C12orf50: variants seen among roughly 807,000 people sequenced by gnomAD.
C12orf50 encodes the protein uncharacterized protein C12orf50.
In C12orf50, 35 loss-of-function variants were observed where a neutral mutation model predicts 61.6. That is an observed-to-expected ratio of 0.57 (90% CI 0.43 to 0.75). C12orf50 has a LOEUF of 0.75. C12orf50 is among the 30% of genes least tolerant of loss of function. The pLI, the probability that C12orf50 is intolerant of heterozygous loss-of-function variation, is 0.00. For missense variants in C12orf50, 475 were observed against 488.5 expected (o/e 0.97, Z 0.26); for synonymous variants, 178 against 161.5 (o/e 1.10, Z -0.77).
At chr12:87,993,232 G>A (rs1246978070) in intron 7 of C12orf50, among the ~76,000 whole-genome samples, 4 of 152,078 alleles carry the variant, frequency 2.6e-5, no homozygotes, top group Admixed American at 6.6e-5. Flanking sequence ...ATGTTACAAC[G>A]TGAAGGAAAG....
At chr12:87,990,783 T>A (rs2031083136) in intron 7 of C12orf50, among the ~76,000 whole-genome samples, 1 of 151,954 alleles carries the variant, frequency 6.6e-6, no homozygotes. Flanking sequence ...GGTTTGAAAT[T>A]GAGGGGGAAA....
Position 87,998,202 on chromosome 12 carries a change from A to T in C12orf50, c.134-12T>A. ...CTGTAGTGTGATATCTGCAGAGAAA[A>T]TGCAACATTTCAGTCTGTTCAAGAT... On this transcript the variant is annotated splice_polypyrimidine_tract_variant and intron_variant, in intron 3 of 12. Transcript: ENST00000298699. 1 of 1,607,124 alleles carries T rather than the reference A, an allele frequency of 6.2e-7. No individual in the cohort carries two copies. The highest frequency in any genetic ancestry group is 8.5e-7 in the Non-Finnish European group (1 of 1,175,242).
Position 87,986,720 on chromosome 12 carries a change from T to C in C12orf50, c.818-304A>G, listed in dbSNP as rs146361945. On this transcript the variant is annotated intron_variant, in intron 9 of 12. Coordinates refer to ENST00000298699, the MANE Select transcript of C12orf50 (RefSeq NM_152589.3). ...CATAAAATTGCATTCAAAATATAAT[T>C]ATAAATCTCATTATAATGCTATTGT... Among the ~76,000 whole-genome samples the C allele has an allele frequency of 2.4e-3, 368 of 152,292 alleles. 1 individual carries two copies. The highest frequency in any genetic ancestry group is 8.5e-3 in the African/African-American group (355 of 41,572).
chr12:87,984,884 C>T (rs1322249874), intron 11 of C12orf50: 1 of 151,956 alleles, frequency 6.6e-6, no homozygotes, highest in Non-Finnish European at 1.5e-5. Flanking sequence ...ATAACAATAA[C>T]AATATCAGTA....
chr12:88,029,500 CCTG>C (rs2032824549), upstream of C12orf50: 1 of 152,996 alleles, frequency 6.5e-6, no homozygotes, highest in Non-Finnish European at 1.5e-5. Context: ...CTACAGTTTA[CCTG>C]AGTGAACACT....
chr12:87,995,901 C>G (rs955541330), intron 6 of C12orf50, among the ~76,000 whole-genome samples: 1 of 152,148 alleles, frequency 6.6e-6, no homozygotes, highest in Non-Finnish European at 1.5e-5. Context: ...AAAAGCAGAG[C>G]CTTCGATTTG....
In C12orf50 at chr12:87,980,263, A is replaced by G; in HGVS notation, c.*68T>C. ...TGAGTATCTCATTCTTTGAATTTTCATTTTTGATTGTAAATCAGATGATGT... is the reference window on the plus strand; with the variant it reads ...TGAGTATCTCATTCTTTGAATTTTCGTTTTTGATTGTAAATCAGATGATGT... On this transcript the variant is annotated 3_prime_UTR_variant, in exon 13 of 13. Coordinates refer to ENST00000298699, the MANE Select transcript of C12orf50 (RefSeq NM_152589.3). The G allele has an allele frequency of 1.4e-6, 2 of 1,479,182 alleles. No homozygotes were observed. The highest frequency in any genetic ancestry group is 1.2e-5 in the South Asian group (1 of 86,420). 91.6% of individuals were successfully genotyped at this position (1,479,182 alleles called of 1,614,324 possible). A position where few individuals can be genotyped will look rare whatever the true frequency, so the allele number is the denominator to read the frequency against.
At chr12:88,027,631 C>G (rs1465788158) in intron 1 of C12orf50, 1 of 152,048 alleles carries the variant, frequency 6.6e-6, no homozygotes, top group Non-Finnish European at 1.5e-5. Flanking sequence ...GTGCCTTTGG[C>G]TTAGAAAGAT....
chr12:87,996,912 A>G (rs2031422430), intron 4 of C12orf50, among the ~76,000 whole-genome samples: 2 of 152,188 alleles, frequency 1.3e-5, no homozygotes, highest in Non-Finnish European at 2.9e-5. Context: ...GAGATGGTGT[A>G]TGTTTATTTC....
chr12:88,006,065 C>T (rs544263699), intron 3 of C12orf50, among the ~76,000 whole-genome samples: 8 of 151,910 alleles, frequency 5.3e-5, no homozygotes, highest in East Asian at 1.9e-4. Context: ...TACAGGCGCC[C>T]GCCACCACGC....
intron 3 of C12orf50, among the ~76,000 whole-genome samples, chr12:88,023,255 G>A (rs11503217): frequency 0.081 from 12,376 of 151,980 alleles, 1,326 homozygotes; most frequent in African/African-American, 0.25. Context: ...TAAGAAACAG[G>A]GAGAGGACTC....
intron 11 of C12orf50, 104 bp from the exon 12 acceptor site, chr12:87,983,299 T>C (rs899918156): frequency 6.7e-6 from 4 of 600,892 alleles, no homozygotes; most frequent in Non-Finnish European, 1.1e-5. Flanking sequence ...ATTCTCTAAG[T>C]AATTCATTTT....
chr12:87,987,782 T>A lies in C12orf50; in HGVS notation c.817+68A>T, dbSNP rs1006347731. 4 of 1,026,650 alleles carry A rather than the reference T, an allele frequency of 3.9e-6. No homozygotes were observed. In the African/African-American group the frequency reaches 6.6e-5, roughly 17 times the overall value. 63.6% of individuals were successfully genotyped at this position (1,026,650 alleles called of 1,614,324 possible). On this transcript the variant is annotated intron_variant, in intron 9 of 12. Transcript: ENST00000298699. Reference sequence around the variant, plus strand: ...TTCTTTTTTAAAATTCTATTTTAAATAAGCAAAACAAATCCATGGTAAGAC... The same window carrying A: ...TTCTTTTTTAAAATTCTATTTTAAAAAAGCAAAACAAATCCATGGTAAGAC...
chr12:88,018,514 C>G (rs1446106096), intron 3 of C12orf50, among the ~76,000 whole-genome samples: 1 of 152,188 alleles, frequency 6.6e-6, no homozygotes, highest in Non-Finnish European at 1.5e-5. Context: ...ACACAAAGTC[C>G]CTACTGGAGC....
intron 3 of C12orf50, among the ~76,000 whole-genome samples, chr12:88,015,582 T>A (rs75269629): frequency 0.023 from 3,494 of 152,342 alleles, 60 homozygotes; most frequent in Non-Finnish European, 0.036. Context: ...AGAACTTTTT[T>A]AAAACAAGTT....
intron 12 of C12orf50, among the ~76,000 whole-genome samples, chr12:87,981,472 A>G (rs545719224): frequency 6.6e-6 from 1 of 152,244 alleles, no homozygotes; most frequent in Admixed American, 6.5e-5. Context: ...TCTGAGATGG[A>G]GATCCTACAT....
intron 3 of C12orf50, among the ~76,000 whole-genome samples, chr12:88,004,988 A>G (rs2031800932): frequency 6.6e-6 from 1 of 152,108 alleles, no homozygotes; most frequent in Admixed American, 6.5e-5. Flanking sequence ...AGGACATGCA[A>G]TTTATCTTTA....
chr12:88,012,257 A>G lies in C12orf50; in HGVS notation c.134-14067T>C, dbSNP rs954143984. ...AACATCTACTTTCTATGCTTTGTCA[A>G]TTTTCAAAACAAATTCAGTTTTTTT... On this transcript the variant is annotated intron_variant, in intron 3 of 12. Transcript: ENST00000298699. 4.6e-5 allele frequency among the ~76,000 whole-genome samples: 7 copies of G among 152,308 alleles called. 1 individual carries two copies. Among genetic ancestry groups the G allele is most frequent in the Admixed American group, 4.6e-4 (7 of 15,300 alleles).
intron 7 of C12orf50, among the ~76,000 whole-genome samples, chr12:87,991,121 A>G (rs993468018): frequency 7.2e-5 from 11 of 152,124 alleles, no homozygotes; most frequent in Admixed American, 1.3e-4. Flanking sequence ...AAAATAATGT[A>G]TCATCTACGG....
Sources: gnomAD v4.1 joint callset for allele counts (sites outside exome capture counted in the v4.1 genomes callset) on GRCh38, gnomAD v4.1.1 for gene constraint, MANE v1.5 for transcripts, NCBI Gene and HGNC (gene_info 2026-07-23, HGNC 2026-07-21) for gene names.